ZFAND3: variants seen among roughly 807,000 people sequenced by gnomAD.
ZFAND3 encodes AN1-type zinc finger protein 3.
ZFAND3 carries 10 observed loss-of-function variants against 29.6 expected under a neutral mutation model. The observed-to-expected ratio is 0.34, with a 90% CI of 0.21 to 0.57. The LOEUF (loss-of-function observed/expected upper bound fraction) is 0.57, where lower values mean the gene tolerates loss of function less well. Among genes scored for constraint, ZFAND3 ranks in the 20% least tolerant of loss-of-function variants. The pLI is 0.86. For missense variants in ZFAND3, 230 were observed against 304.5 expected (o/e 0.76, Z 1.82); for synonymous variants, 128 against 112.6 (o/e 1.14, Z -0.87).
chr6:37,820,546 C>T (rs188728247), intron 1 of ZFAND3, among the ~76,000 whole-genome samples: 8 of 152,300 alleles, frequency 5.3e-5, no homozygotes, highest in East Asian at 3.9e-4. Flanking sequence ...ACACGTCACC[C>T]GTTTGTAAAA....
At chr6:37,860,178 GTTTTT>G (rs34072361) in intron 1 of ZFAND3, among the ~76,000 whole-genome samples, 2 of 122,840 alleles carry the variant, frequency 1.6e-5, no homozygotes, top group Non-Finnish European at 3.4e-5. Flanking sequence ...GCCAAAAAGA[GTTTTT>G]TTTTTTTTTT....
At chr6:37,828,493 A>G (rs79484090) in intron 1 of ZFAND3, among the ~76,000 whole-genome samples, 2,176 of 152,354 alleles carry the variant, frequency 0.014, 21 homozygotes, top group Middle Eastern at 0.024. Flanking sequence ...ATTGAGTAGT[A>G]TAGTTATTCT....
At chr6:38,123,090 C>G (rs145720046) in intron 5 of ZFAND3, among the ~76,000 whole-genome samples, 5 of 152,318 alleles carry the variant, frequency 3.3e-5, no homozygotes, top group African/African-American at 1.2e-4. Flanking sequence ...TCTAATCTGA[C>G]TTTTAGAAAC....
chr6:38,105,187 GC>G (rs1354558508), intron 4 of ZFAND3, among the ~76,000 whole-genome samples: 5 of 152,176 alleles, frequency 3.3e-5, no homozygotes, highest in African/African-American at 7.2e-5. Context: ...TTATTAGGAA[GC>G]TTAACTTTAA....
At chr6:38,088,176 TATTCAACCA>T (rs1764794469) in intron 4 of ZFAND3, among the ~76,000 whole-genome samples, 1 of 152,238 alleles carries the variant, frequency 6.6e-6, no homozygotes, top group Non-Finnish European at 1.5e-5. Flanking sequence ...AATGGAGTAT[TATTCAACCA>T]TAAGAAAGAA....
At chr6:38,131,958 G>T (rs1765750202) in intron 5 of ZFAND3, among the ~76,000 whole-genome samples, 1 of 152,194 alleles carries the variant, frequency 6.6e-6, no homozygotes, top group Non-Finnish European at 1.5e-5. Flanking sequence ...TACATGTGCA[G>T]CCTCAGGATT....
intron 2 of ZFAND3, among the ~76,000 whole-genome samples, chr6:37,980,671 A>G (rs1418475972): frequency 6.6e-6 from 1 of 152,196 alleles, no homozygotes; most frequent in Non-Finnish European, 1.5e-5. Flanking sequence ...ACAGCTTTTC[A>G]GATATGCCCT....
At chr6:37,966,156 T>A (rs569032808) in intron 2 of ZFAND3, among the ~76,000 whole-genome samples, 8 of 152,298 alleles carry the variant, frequency 5.3e-5, no homozygotes, top group African/African-American at 1.7e-4. Context: ...GAGGTTGGCA[T>A]TTGCATTTTC....
chr6:38,045,074 A>T (rs1006248422), intron 2 of ZFAND3, among the ~76,000 whole-genome samples: 1 of 142,568 alleles, frequency 7.0e-6, no homozygotes, highest in Non-Finnish European at 1.5e-5. Context: ...TTATTTATTT[A>T]TTTATTTATT....
At chr6:37,858,552 A>G (rs778138055) in intron 1 of ZFAND3, among the ~76,000 whole-genome samples, 39 of 152,220 alleles carry the variant, frequency 2.6e-4, no homozygotes, top group Non-Finnish European at 4.7e-4. Flanking sequence ...TCCATAAAAC[A>G]TTTACTTTGC....
intron 1 of ZFAND3, among the ~76,000 whole-genome samples, chr6:37,849,227 A>T (rs1764237615): frequency 2.0e-5 from 3 of 152,122 alleles, no homozygotes; most frequent in Admixed American, 2.0e-4. Context: ...GACACACTGC[A>T]TTCTCAAGCG....
intron 1 of ZFAND3, among the ~76,000 whole-genome samples, chr6:37,855,552 A>C (rs535011663): frequency 3.9e-5 from 6 of 152,270 alleles, no homozygotes; most frequent in Admixed American, 1.3e-4. Flanking sequence ...CAGAGGTTTG[A>C]ACCTAATGAA....
chr6:38,117,000 A>C (rs2127485081), intron 5 of ZFAND3, among the ~76,000 whole-genome samples: 1 of 152,294 alleles, frequency 6.6e-6, no homozygotes, highest in East Asian at 1.9e-4. Context: ...GCTACATCTC[A>C]CTGCTTAGTG....
At chr6:38,019,845 C>G (rs756352240) in intron 2 of ZFAND3, among the ~76,000 whole-genome samples, 5 of 152,196 alleles carry the variant, frequency 3.3e-5, no homozygotes, top group Non-Finnish European at 7.3e-5. Context: ...CCTCGGCCTC[C>G]CAAGTAGCTG....
At chr6:38,122,819 T>A (rs1401317947) in intron 5 of ZFAND3, among the ~76,000 whole-genome samples, 1 of 152,218 alleles carries the variant, frequency 6.6e-6, no homozygotes, top group Non-Finnish European at 1.5e-5. Context: ...AGGGAGAGAT[T>A]AATTGCAACT....
intron 2 of ZFAND3, among the ~76,000 whole-genome samples, chr6:37,985,094 ATGAGTGTTTAT>A (rs1287677349): frequency 2.0e-5 from 3 of 152,178 alleles, no homozygotes; most frequent in Non-Finnish European, 2.9e-5. Flanking sequence ...AAACTAGGCA[ATGAGTGTTTAT>A]TGAGCATCAG....
intron 1 of ZFAND3, among the ~76,000 whole-genome samples, chr6:37,860,692 A>G (rs1416328606): frequency 7.1e-6 from 1 of 140,320 alleles, no homozygotes; most frequent in African/African-American, 2.7e-5. Context: ...ACTATATACC[A>G]TATATTTACT....
intron 1 of ZFAND3, among the ~76,000 whole-genome samples, chr6:37,921,631 A>C (rs1761381102): frequency 6.6e-6 from 1 of 152,174 alleles, no homozygotes. Flanking sequence ...ATTCCCCAAG[A>C]TGAATTAGCA....
At chr6:37,916,192 A>G (rs910555336) in intron 1 of ZFAND3, among the ~76,000 whole-genome samples, 3 of 152,232 alleles carry the variant, frequency 2.0e-5, no homozygotes, top group Admixed American at 2.0e-4. Context: ...ACCATTGTAG[A>G]TATAATAATA....
Sources: gnomAD v4.1 joint callset for allele counts (sites outside exome capture counted in the v4.1 genomes callset) on GRCh38, gnomAD v4.1.1 for gene constraint, MANE v1.5 for transcripts, NCBI Gene and HGNC (gene_info 2026-07-23, HGNC 2026-07-21) for gene names.